ADGRL3: variants seen among roughly 807,000 people sequenced by gnomAD.
ADGRL3 encodes the protein calcium-independent alpha-latrotoxin receptor 3.
In ADGRL3, 62 loss-of-function variants were observed where a neutral mutation model predicts 153.5. That is an observed-to-expected ratio of 0.40 (90% CI 0.33 to 0.50). The LOEUF is 0.50. Among genes scored for constraint, ADGRL3 ranks in the 20% least tolerant of loss-of-function variants. The pLI is 0.47. For synonymous variants in ADGRL3, 710 were observed against 672.5 expected (o/e 1.06, Z -0.86); for missense variants, 1,641 against 1,859.4 (o/e 0.88, Z 2.16).
At chr4:61,983,670 A>C in intron 19 of ADGRL3, 67 bp downstream of exon 19, 1 of 1,415,330 alleles carries the variant, frequency 7.1e-7, no homozygotes, top group Non-Finnish European at 9.9e-7. Flanking sequence ...TCTTGGAAGC[A>C]AAGGTCTTTA....
At chr4:61,274,405 A>G (rs936279663) in intron 1 of ADGRL3, among the ~76,000 whole-genome samples, 2 of 152,190 alleles carry the variant, frequency 1.3e-5, no homozygotes, top group Admixed American at 6.6e-5. Context: ...GCTTTAAACT[A>G]TGTTGGCCCC....
intron 15 of ADGRL3, among the ~76,000 whole-genome samples, chr4:61,938,918 C>T (rs946639580): frequency 7.1e-6 from 1 of 141,254 alleles, no homozygotes; most frequent in African/African-American, 2.6e-5. Flanking sequence ...CCGCCTGACT[C>T]AATTTTCTTT....
At chr4:61,469,148 C>T (rs1377555732) in intron 2 of ADGRL3, among the ~76,000 whole-genome samples, 1 of 152,002 alleles carries the variant, frequency 6.6e-6, no homozygotes, top group Non-Finnish European at 1.5e-5. Flanking sequence ...CTTAGAAGGG[C>T]AGTATTACCT....
intron 5 of ADGRL3, among the ~76,000 whole-genome samples, chr4:61,607,517 T>G (rs757781241): frequency 9.2e-5 from 14 of 152,084 alleles, no homozygotes; most frequent in Non-Finnish European, 1.6e-4. Flanking sequence ...GAAGAATCAC[T>G]TGAACCCAGG....
intron 1 of ADGRL3, among the ~76,000 whole-genome samples, chr4:61,242,696 T>C (rs1277500336): frequency 6.6e-6 from 1 of 152,066 alleles, no homozygotes; most frequent in Non-Finnish European, 1.5e-5. Context: ...TACACATGTA[T>C]TCACTGCCTT....
At chr4:61,328,808 T>G (rs1251897581) in intron 1 of ADGRL3, among the ~76,000 whole-genome samples, 2 of 152,124 alleles carry the variant, frequency 1.3e-5, no homozygotes, top group African/African-American at 2.4e-5. Context: ...TTTCGTTTGT[T>G]TATTGAATTC....
chr4:61,396,935 C>T (rs2096874782), intron 2 of ADGRL3, among the ~76,000 whole-genome samples: 1 of 116,644 alleles, frequency 8.6e-6, no homozygotes. Flanking sequence ...AATTTGTTAG[C>T]CTAGTAAGGA....
intron 5 of ADGRL3, among the ~76,000 whole-genome samples, chr4:61,661,735 G>T (rs1016003268): frequency 2.0e-5 from 3 of 151,970 alleles, no homozygotes; most frequent in Non-Finnish European, 4.4e-5. Context: ...TTAGGCATTT[G>T]ATTTCATACT....
At chr4:62,048,761 C>T (rs1481153216) in intron 25 of ADGRL3, among the ~76,000 whole-genome samples, 2 of 151,582 alleles carry the variant, frequency 1.3e-5, no homozygotes. Context: ...CCGTGTTGCC[C>T]AGGCTGGTCT....
At chr4:61,657,459 C>T (rs1290765697) in intron 5 of ADGRL3, among the ~76,000 whole-genome samples, 1 of 151,736 alleles carries the variant, frequency 6.6e-6, no homozygotes, top group Admixed American at 6.6e-5. Context: ...TATTGTCAAT[C>T]AATGGTAACT....
chr4:61,504,892 C>A lies in ADGRL3; in HGVS notation c.55+7544C>A, dbSNP rs996629157. ...CACTTAGGTTGATTCCATATCTTGGCCATTCTGAATAGCGTTGCAATAAAT... is the reference window on the plus strand; with the variant it reads ...CACTTAGGTTGATTCCATATCTTGGACATTCTGAATAGCGTTGCAATAAAT... On this transcript the variant is annotated intron_variant, in intron 3 of 26. Coordinates refer to ENST00000683033, the MANE Select transcript of ADGRL3 (RefSeq NM_001387552.1). Among the ~76,000 whole-genome samples the A allele has an allele frequency of 8.5e-5, 13 of 152,248 alleles. No homozygotes were observed. The South Asian group carries it at 1.5e-3, about 17-fold the overall frequency.
rs184303901 is a variant in ADGRL3, at chr4:61,752,873, G to A, written c.1399+19319G>A. On this transcript the variant is annotated intron_variant, in intron 8 of 26. Transcript: ENST00000683033. ...CACGTGAGCCTGGGAGGTGGAGATTGCAGTGAGCCAAGATTGCTGTACTGC... is the reference window on the plus strand; with the variant it reads ...CACGTGAGCCTGGGAGGTGGAGATTACAGTGAGCCAAGATTGCTGTACTGC... Among the ~76,000 whole-genome samples, 17 of 152,266 alleles carry A rather than the reference G, an allele frequency of 1.1e-4. 1 individual carries two copies. The highest frequency in any genetic ancestry group is 3.8e-4 in the African/African-American group (16 of 41,564).
chr4:61,285,889 C>T (rs935652669), intron 1 of ADGRL3, among the ~76,000 whole-genome samples: 6 of 151,548 alleles, frequency 4.0e-5, no homozygotes, highest in Admixed American at 4.0e-4. Context: ...CTTTTTTTTC[C>T]CCTCCAACTC....
chr4:62,062,200 T>A (rs2151868805), intron 25 of ADGRL3, among the ~76,000 whole-genome samples: 1 of 152,184 alleles, frequency 6.6e-6, no homozygotes, highest in East Asian at 1.9e-4. Flanking sequence ...CTAAGGCCAA[T>A]AACAATTTGT....
chr4:61,847,786 T>C (rs2098140290), intron 9 of ADGRL3, among the ~76,000 whole-genome samples: 1 of 31,510 alleles, frequency 3.2e-5, no homozygotes, highest in Non-Finnish European at 6.1e-5. Context: ...ATACAAAATA[T>C]ATTATATATA....
At chr4:61,251,878 T>A (rs1041299379) in intron 1 of ADGRL3, among the ~76,000 whole-genome samples, 12 of 134,962 alleles carry the variant, frequency 8.9e-5, no homozygotes, top group Admixed American at 3.7e-4. Context: ...TTTTTTTTTT[T>A]AATTTTTTTA....
intron 6 of ADGRL3, among the ~76,000 whole-genome samples, chr4:61,701,354 G>A (rs1447298587): frequency 3.3e-5 from 5 of 151,678 alleles, no homozygotes; most frequent in Non-Finnish European, 7.4e-5. Context: ...TATTTGGTGA[G>A]GGAAGAAAAT....
chr4:61,599,934 T>C (rs2149506313), intron 5 of ADGRL3, among the ~76,000 whole-genome samples: 1 of 152,326 alleles, frequency 6.6e-6, no homozygotes, highest in Non-Finnish European at 1.5e-5. Flanking sequence ...AAATGACTGA[T>C]ATTTGTTATT....
At chr4:61,289,397 A>C (rs894968043) in intron 1 of ADGRL3, among the ~76,000 whole-genome samples, 1 of 152,094 alleles carries the variant, frequency 6.6e-6, no homozygotes, top group Non-Finnish European at 1.5e-5. Context: ...AACATAAATA[A>C]TTATGACATG....
Sources: allele counts gnomAD v4.1 joint callset (sites outside exome capture counted in the v4.1 genomes callset), GRCh38; gene constraint gnomAD v4.1.1; transcripts MANE v1.5; gene names NCBI Gene and HGNC (gene_info 2026-07-23, HGNC 2026-07-21).